PPP2R2B: variants seen among roughly 807,000 people sequenced by gnomAD.
PPP2R2B encodes serine/threonine-protein phosphatase 2A 55 kDa regulatory subunit B beta isoform.
Under a neutral mutation model 46.0 loss-of-function variants are expected in PPP2R2B, and 5 were observed. That is an observed-to-expected ratio of 0.11 (90% CI 0.06 to 0.23). PPP2R2B has a LOEUF of 0.23. Ranked by LOEUF, PPP2R2B falls within the 10% of genes least tolerant of loss-of-function variation. The probability of loss-of-function intolerance (pLI) is 1.00; values close to 1 mark genes in which losing one functional copy is unlikely to be tolerated. For missense variants in PPP2R2B, 367 were observed against 575.0 expected, an observed-to-expected ratio of 0.64 and a Z score of 3.70; for synonymous variants, 215 against 206.7, an observed-to-expected ratio of 1.04 and a Z score of -0.34.
intron 1 of PPP2R2B, among the ~76,000 whole-genome samples, chr5:146,946,546 C>T (rs1764488829): frequency 6.6e-6 from 1 of 152,102 alleles, no homozygotes; most frequent in African/African-American, 2.4e-5. Context: ...TAAGCTAGAA[C>T]TGTAAGTGGT....
intron 2 of PPP2R2B, among the ~76,000 whole-genome samples, chr5:146,845,572 TTC>T (rs1310755169): frequency 6.6e-6 from 1 of 152,040 alleles, no homozygotes; most frequent in Non-Finnish European, 1.5e-5. Context: ...CTATTTCATT[TTC>T]TGTTTTATTC....
intron 4 of PPP2R2B, among the ~76,000 whole-genome samples, chr5:146,694,561 C>T (rs779671724): frequency 6.6e-6 from 1 of 152,164 alleles, no homozygotes; most frequent in Non-Finnish European, 1.5e-5. Flanking sequence ...CCTACAACCT[C>T]TCCAGTCAGG....
At chr5:146,958,489 T>C (rs946054957) in intron 1 of PPP2R2B, among the ~76,000 whole-genome samples, 3 of 152,202 alleles carry the variant, frequency 2.0e-5, no homozygotes, top group Non-Finnish European at 4.4e-5. Flanking sequence ...TTTATTACCG[T>C]CACTACCAAA....
chr5:146,778,399 T>A (rs1288169450), intron 2 of PPP2R2B, among the ~76,000 whole-genome samples: 1 of 152,208 alleles, frequency 6.6e-6, no homozygotes, highest in African/African-American at 2.4e-5. Context: ...ATGACATAAG[T>A]AGCAAGGCCA....
intron 2 of PPP2R2B, among the ~76,000 whole-genome samples, chr5:146,856,787 G>T (rs559976149): frequency 6.6e-6 from 1 of 152,274 alleles, no homozygotes; most frequent in East Asian, 1.9e-4. Flanking sequence ...CCGTCGACCT[G>T]AAGTGGACTG....
intron 1 of PPP2R2B, among the ~76,000 whole-genome samples, chr5:146,966,102 A>G (rs1022186372): frequency 6.6e-6 from 1 of 152,230 alleles, no homozygotes; most frequent in Non-Finnish European, 1.5e-5. Flanking sequence ...AAAGCCAGGA[A>G]TTGGAATCCT....
intron 1 of PPP2R2B, among the ~76,000 whole-genome samples, chr5:147,006,849 C>T (rs1018775691): frequency 1.3e-5 from 2 of 151,838 alleles, no homozygotes; most frequent in Non-Finnish European, 2.9e-5. Context: ...TTTACACTAA[C>T]CATTCAGGGA....
intron 7 of PPP2R2B, among the ~76,000 whole-genome samples, chr5:146,626,975 G>A (rs2151065001): frequency 6.6e-6 from 1 of 152,292 alleles, no homozygotes; most frequent in East Asian, 1.9e-4. Context: ...ATGGAAGAAG[G>A]GGGAAGGGAT....
At chr5:146,844,731 C>CT (rs1293260878) in intron 2 of PPP2R2B, among the ~76,000 whole-genome samples, 1 of 152,232 alleles carries the variant, frequency 6.6e-6, no homozygotes, top group Non-Finnish European at 1.5e-5. Context: ...CCATTTCTTT[C>CT]TTTCTTTCCA....
chr5:146,646,423 G>A (rs997760970), intron 6 of PPP2R2B, among the ~76,000 whole-genome samples: 2 of 152,112 alleles, frequency 1.3e-5, no homozygotes, highest in Non-Finnish European at 2.9e-5. Flanking sequence ...ATCTATTAAT[G>A]AGTTGTTATA....
At chr5:146,835,474 A>G (rs896925383) in intron 2 of PPP2R2B, among the ~76,000 whole-genome samples, 2 of 152,142 alleles carry the variant, frequency 1.3e-5, no homozygotes, top group Admixed American at 6.5e-5. Context: ...GCAAACATGT[A>G]CATCTTTGGT....
chr5:146,968,096 C>A (rs1752512929), intron 1 of PPP2R2B, among the ~76,000 whole-genome samples: 1 of 152,118 alleles, frequency 6.6e-6, no homozygotes, highest in Non-Finnish European at 1.5e-5. Context: ...GGAAACTTGA[C>A]ACTGTACTTA....
At chr5:146,997,126 A>G (rs1753956490) in intron 1 of PPP2R2B, among the ~76,000 whole-genome samples, 1 of 152,174 alleles carries the variant, frequency 6.6e-6, no homozygotes, top group Non-Finnish European at 1.5e-5. Context: ...TTAAACATTC[A>G]GAGTATCCCC....
intron 1 of PPP2R2B, among the ~76,000 whole-genome samples, chr5:146,970,610 A>G (rs1752622698): frequency 6.6e-6 from 1 of 152,000 alleles, no homozygotes; most frequent in Admixed American, 6.6e-5. Flanking sequence ...AAACAAAAAA[A>G]AGAAGAAGAA....
intron 2 of PPP2R2B, among the ~76,000 whole-genome samples, chr5:146,756,643 C>G (rs528822389): frequency 2.0e-5 from 3 of 152,110 alleles, no homozygotes; most frequent in East Asian, 3.8e-4. Flanking sequence ...TATTTAAAAC[C>G]CTTTAACTTA....
chr5:147,009,900 T>C (rs868241272), intron 1 of PPP2R2B, among the ~76,000 whole-genome samples: 145 of 125,238 alleles, frequency 1.2e-3, no homozygotes, highest in South Asian at 2.4e-3. Context: ...CACACACACA[T>C]ATATATATAG....
chr5:146,647,440 C>A (rs961242450), intron 6 of PPP2R2B, among the ~76,000 whole-genome samples: 5 of 152,148 alleles, frequency 3.3e-5, no homozygotes, highest in Non-Finnish European at 5.9e-5. Context: ...TGATGAGAGG[C>A]TCAGTGCTTA....
At chr5:146,953,412 C>A (rs1385860256) in intron 1 of PPP2R2B, among the ~76,000 whole-genome samples, 1 of 152,070 alleles carries the variant, frequency 6.6e-6, no homozygotes, top group Non-Finnish European at 1.5e-5. Context: ...ACACCAGCTC[C>A]AAACATAGAA....
intron 2 of PPP2R2B, among the ~76,000 whole-genome samples, chr5:146,851,404 G>A (rs772661661): frequency 2.6e-5 from 4 of 152,106 alleles, no homozygotes; most frequent in African/African-American, 7.2e-5. Flanking sequence ...ACACAAATGA[G>A]TAAATAAAAT....
Sources: allele counts gnomAD v4.1 joint callset (sites outside exome capture counted in the v4.1 genomes callset), GRCh38; gene constraint gnomAD v4.1.1; transcripts MANE v1.5; gene names NCBI Gene and HGNC (gene_info 2026-07-23, HGNC 2026-07-21).